The following GATB variants were observed in gnomAD, a reference collection of about 807,000 sequenced individuals.
GATB encodes the protein glutamyl-tRNA amidotransferase subunit B.
A neutral mutation model predicts 62.3 loss-of-function variants in GATB; 39 were observed. That is an observed-to-expected ratio of 0.63 (90% CI 0.48 to 0.82). The LOEUF is 0.82. GATB is among the 40% of genes least tolerant of loss of function. The pLI, the probability that GATB is intolerant of heterozygous loss-of-function variation, is 0.00. For missense variants in GATB, 670 were observed against 684.0 expected (o/e 0.98, Z 0.23); for synonymous variants, 276 against 258.9 (o/e 1.07, Z -0.63).
At chr4:151,717,182 A>G in intron 3 of GATB, 108 bp from the exon 4 acceptor site, 1 of 1,018,066 alleles carries the variant, frequency 9.8e-7, no homozygotes, top group Non-Finnish European at 1.5e-6. Flanking sequence ...TACTTAAAGC[A>G]AAAACAACAA....
At chr4:151,692,108 C>T (rs527257557) in intron 9 of GATB, among the ~76,000 whole-genome samples, 14 of 152,306 alleles carry the variant, frequency 9.2e-5, no homozygotes, top group East Asian at 1.9e-4. Flanking sequence ...GCACTGTCTA[C>T]GCACTCTCTC....
At chr4:151,711,981 T>A (rs1738826756) in intron 5 of GATB, among the ~76,000 whole-genome samples, 1 of 152,212 alleles carries the variant, frequency 6.6e-6, no homozygotes, top group South Asian at 2.1e-4. Context: ...ACTTCCAAAG[T>A]GTGCTGAGCT....
At chr4:151,707,258 T>C (rs553672447) in intron 6 of GATB, among the ~76,000 whole-genome samples, 2 of 152,332 alleles carry the variant, frequency 1.3e-5, no homozygotes, top group African/African-American at 4.8e-5. Context: ...AGGTGGAGTC[T>C]AATTTCCCCT....
chr4:151,674,975 G>T (rs1428688483), intron 11 of GATB: 2 of 152,234 alleles, frequency 1.3e-5, no homozygotes, highest in East Asian at 3.9e-4. Context: ...AGCGCCTGTG[G>T]TAGCTGCTGC....
intron 11 of GATB, chr4:151,674,497 T>C (rs1282462609): frequency 6.6e-6 from 1 of 152,162 alleles, no homozygotes; most frequent in African/African-American, 2.4e-5. Context: ...TATAAGGAAA[T>C]ACAGGAGAGA....
At chr4:151,707,355 G>A (rs561252853) in intron 6 of GATB, among the ~76,000 whole-genome samples, 6 of 152,064 alleles carry the variant, frequency 3.9e-5, no homozygotes, top group African/African-American at 4.8e-5. Context: ...GTGCAGTGGC[G>A]TGATCACAGC....
chr4:151,723,012 G>A (rs1198137214), intron 2 of GATB: 1 of 152,182 alleles, frequency 6.6e-6, no homozygotes, highest in Non-Finnish European at 1.5e-5. Context: ...GACTAACTTG[G>A]CTTGAAGAAA....
intron 2 of GATB, among the ~76,000 whole-genome samples, chr4:151,741,135 T>G (rs1300981226): frequency 6.6e-6 from 1 of 152,214 alleles, no homozygotes; most frequent in African/African-American, 2.4e-5. Flanking sequence ...CTATTTTTTT[T>G]CCTATCCATA....
chr4:151,697,965 A>ATGTGTGTGTG (rs1482204192), intron 9 of GATB, among the ~76,000 whole-genome samples: 1 of 109,050 alleles, frequency 9.2e-6, no homozygotes, highest in African/African-American at 5.0e-5. Context: ...ATATATATAT[A>ATGTGTGTGTG]TATATATATA....
intron 2 of GATB, among the ~76,000 whole-genome samples, chr4:151,738,559 GTAAAAA>G (rs1739424556): frequency 6.6e-6 from 1 of 152,164 alleles, no homozygotes; most frequent in Non-Finnish European, 1.5e-5. Flanking sequence ...TATCAGCAGT[GTAAAAA>G]TGACTAATAC....
chr4:151,711,125 CTT>C (rs1738810722), intron 5 of GATB, among the ~76,000 whole-genome samples: 1 of 152,150 alleles, frequency 6.6e-6, no homozygotes, highest in Admixed American at 6.5e-5. Flanking sequence ...GTATGTCTCT[CTT>C]GTCTCTCCTT....
At chr4:151,673,144 C>T (rs1737910856) in intron 11 of GATB, 6 of 440,208 alleles carry the variant, frequency 1.4e-5, no homozygotes, top group South Asian at 9.2e-5. Context: ...CACCTGGGGT[C>T]TCCTCCTGAG....
intron 5 of GATB, among the ~76,000 whole-genome samples, chr4:151,710,813 G>A (rs1303233359): frequency 3.9e-5 from 6 of 152,018 alleles, no homozygotes; most frequent in Non-Finnish European, 8.8e-5. Context: ...CTGGGTGGAC[G>A]GATACAGTTT....
rs1448216263 is a variant in GATB at position 151,753,219 on chromosome 4, C to T, written c.327+5553G>A. Among the ~76,000 whole-genome samples, 7 of 152,152 alleles carry T rather than the reference C, an allele frequency of 4.6e-5. No individual in the cohort carries two copies. In the East Asian group the frequency reaches 1.3e-3, roughly 29 times the overall value. On this transcript the variant is annotated intron_variant, in intron 2 of 12. Coordinates refer to ENST00000263985, the MANE Select transcript of GATB (RefSeq NM_004564.3). ...GAATTTCTCCAAAGACTATACATTC[C>T]TATGGGGGTAGGGCAGCTGCAGAGG...
At chr4:151,717,230 T>G in intron 3 of GATB, 156 bp from the exon 4 acceptor site, 1 of 658,254 alleles carries the variant, frequency 1.5e-6, no homozygotes. Context: ...AGTTGCTGCA[T>G]TGCAGCCATC....
chr4:151,746,073 C>T (rs1234516812), intron 2 of GATB, among the ~76,000 whole-genome samples: 1 of 152,206 alleles, frequency 6.6e-6, no homozygotes, highest in Non-Finnish European at 1.5e-5. Flanking sequence ...GAGTTATCTA[C>T]TGTGCCACAC....
chr4:151,671,801 C>G (rs6535810), intron 12 of GATB, among the ~76,000 whole-genome samples: 1 of 151,918 alleles, frequency 6.6e-6, no homozygotes, highest in Non-Finnish European at 1.5e-5. Flanking sequence ...AGCGCTGGGT[C>G]GGGGGGAGTG....
intron 9 of GATB, among the ~76,000 whole-genome samples, chr4:151,696,693 A>C (rs1738476520): frequency 1.3e-5 from 2 of 152,248 alleles, no homozygotes; most frequent in Non-Finnish European, 2.9e-5. Context: ...ATTGCAGAGC[A>C]TGCTAGAAGC....
At chr4:151,737,960 A>G (rs1040491950) in intron 2 of GATB, among the ~76,000 whole-genome samples, 6 of 152,176 alleles carry the variant, frequency 3.9e-5, no homozygotes, top group Admixed American at 3.9e-4. Context: ...GTCACAATGG[A>G]GAACCTCTGC....
Sources: allele counts gnomAD v4.1 joint callset (sites outside exome capture counted in the v4.1 genomes callset), GRCh38; gene constraint gnomAD v4.1.1; transcripts MANE v1.5; gene names NCBI Gene and HGNC (gene_info 2026-07-23, HGNC 2026-07-21).